Variants in NEBL observed in about 807,000 individuals in gnomAD.
NEBL encodes LIM and SH3 protein 2.
NEBL carries 122 observed loss-of-function variants against 140.2 expected under a neutral mutation model. The ratio of observed to expected loss-of-function variants is 0.87; its 90% CI spans 0.75 to 1.01. NEBL has a LOEUF of 1.01. Among genes scored for constraint, NEBL ranks in the 50% least tolerant of loss-of-function variants. The pLI is 0.00. For missense variants in NEBL, 1,365 were observed against 1,231.3 expected (o/e 1.11, Z -1.62); for synonymous variants, 436 against 398.9 (o/e 1.09, Z -1.11).
At chr10:20,909,182 T>A (rs1848225473) in intron 4 of NEBL, among the ~76,000 whole-genome samples, 1 of 151,896 alleles carries the variant, frequency 6.6e-6, no homozygotes, top group African/African-American at 2.4e-5. Context: ...TATTTTAAAA[T>A]ATACAATTAA....
At position 20,785,463 on chromosome 10, in the gene NEBL, C is replaced by T. The variant is rs1835329000; in HGVS notation, c.*284G>A. The T allele has an allele frequency of 2.3e-6, 1 of 441,588 alleles. No homozygotes were observed. The highest frequency in any genetic ancestry group is 4.2e-6 in the Non-Finnish European group (1 of 239,484). The allele number at this position is 441,588 out of a possible 1,614,324, so 27.4% of individuals were successfully genotyped here. ...TTCTCTATTAAAGTCTACAAAAATA[C>T]ATTTCCCAGAAGGGTTCAATAGCCA... On this transcript the variant is annotated 3_prime_UTR_variant, in exon 28 of 28. Transcript: ENST00000377122.
intron 2 of NEBL, among the ~76,000 whole-genome samples, chr10:21,041,268 C>G (rs1289994174): frequency 1.3e-5 from 2 of 152,170 alleles, no homozygotes; most frequent in African/African-American, 4.8e-5. Flanking sequence ...CATGTGTATT[C>G]AATGGTTAGC....
At chr10:20,961,021 C>T (rs1410058005) in intron 4 of NEBL, among the ~76,000 whole-genome samples, 1 of 152,156 alleles carries the variant, frequency 6.6e-6, no homozygotes, top group East Asian at 1.9e-4. Context: ...TCCTGACACA[C>T]TTCATGTAAT....
intron 4 of NEBL, among the ~76,000 whole-genome samples, chr10:20,951,463 T>C (rs1166389380): frequency 1.3e-5 from 2 of 149,652 alleles, no homozygotes; most frequent in Non-Finnish European, 3.0e-5. Flanking sequence ...TTAGAGAGCA[T>C]AGTTGCATAC....
chr10:21,230,727 C>T (rs1842237467), intron 3 of NEBL, among the ~76,000 whole-genome samples: 1 of 151,900 alleles, frequency 6.6e-6, no homozygotes, highest in Non-Finnish European at 1.5e-5. Flanking sequence ...GCCTCAGCCT[C>T]CCAAGTAGCT....
intron 3 of NEBL, among the ~76,000 whole-genome samples, chr10:21,019,835 C>A (rs150356409): frequency 6.6e-5 from 10 of 152,260 alleles, no homozygotes; most frequent in Non-Finnish European, 8.8e-5. Flanking sequence ...ATATTTAGGA[C>A]CAAATAAGTC....
At chr10:20,925,317 A>G (rs1159671681) in intron 4 of NEBL, among the ~76,000 whole-genome samples, 3 of 152,168 alleles carry the variant, frequency 2.0e-5, no homozygotes, top group Non-Finnish European at 4.4e-5. Flanking sequence ...GGAACATTCC[A>G]TGGTATGGAT....
chr10:20,787,176 G>A (rs1255109141), intron 27 of NEBL, 26 bp downstream of exon 27: 3 of 1,530,336 alleles, frequency 2.0e-6, no homozygotes, highest in Admixed American at 3.4e-5. Context: ...ACCAGCTAAG[G>A]AGGAACGTAT....
chr10:20,899,151 C>T (rs2131422419), upstream of NEBL, among the ~76,000 whole-genome samples: 1 of 152,286 alleles, frequency 6.6e-6, no homozygotes, highest in Non-Finnish European at 1.5e-5. Flanking sequence ...AATTATTTCC[C>T]TCAAGTCCTC....
At chr10:20,914,732 A>T (rs1423064597) in intron 4 of NEBL, among the ~76,000 whole-genome samples, 4 of 152,180 alleles carry the variant, frequency 2.6e-5, no homozygotes, top group Non-Finnish European at 4.4e-5. Flanking sequence ...TCCAGACAGA[A>T]ATTGATGACA....
intron 9 of NEBL, among the ~76,000 whole-genome samples, chr10:20,856,166 A>G (rs983544675): frequency 2.0e-5 from 3 of 152,218 alleles, no homozygotes; most frequent in Non-Finnish European, 2.9e-5. Flanking sequence ...TCTGTCCTCT[A>G]GGCAAAAGCA....
At chr10:21,073,880 C>T (rs1835937564) in intron 2 of NEBL, among the ~76,000 whole-genome samples, 1 of 152,080 alleles carries the variant, frequency 6.6e-6, no homozygotes, top group South Asian at 2.1e-4. Context: ...CAAGACCATC[C>T]TGGCTAACAC....
At chr10:20,812,455 T>G (rs1379011508) in intron 24 of NEBL, among the ~76,000 whole-genome samples, 1 of 151,088 alleles carries the variant, frequency 6.6e-6, no homozygotes, top group Non-Finnish European at 1.5e-5. Flanking sequence ...TATCTCCTAA[T>G]GCTATCCCTC....
chr10:21,223,668 G>T (rs1842104860), intron 3 of NEBL, among the ~76,000 whole-genome samples: 3 of 152,158 alleles, frequency 2.0e-5, no homozygotes, highest in African/African-American at 7.2e-5. Flanking sequence ...CCCACCAATA[G>T]TGTATGAGGG....
intron 24 of NEBL, 26 bp from the exon 25 acceptor site, chr10:20,809,924 A>G (rs71578968): frequency 7.0e-7 from 1 of 1,427,932 alleles, no homozygotes; most frequent in Admixed American, 1.7e-5. Context: ...AGAAATCAAC[A>G]CTCATCAAGA....
At chr10:21,073,564 C>A (rs1003059137) in intron 2 of NEBL, among the ~76,000 whole-genome samples, 3 of 149,254 alleles carry the variant, frequency 2.0e-5, no homozygotes, top group Non-Finnish European at 3.0e-5. Flanking sequence ...TTGCAGTGAG[C>A]CTAGAATGCA....
chr10:21,262,304 AGG>A (rs1169068586), intron 1 of NEBL, among the ~76,000 whole-genome samples: 1 of 152,166 alleles, frequency 6.6e-6, no homozygotes, highest in Non-Finnish European at 1.5e-5. Context: ...GCTGGGGAAG[AGG>A]TTAAACTGAT....
intron 3 of NEBL, among the ~76,000 whole-genome samples, chr10:21,000,013 C>A (rs1266885558): frequency 6.6e-6 from 1 of 151,996 alleles, no homozygotes; most frequent in Non-Finnish European, 1.5e-5. Context: ...AAAGCACTTC[C>A]TCCTCTGATG....
At chr10:21,261,697 C>T (rs955871174) in intron 1 of NEBL, among the ~76,000 whole-genome samples, 6 of 151,830 alleles carry the variant, frequency 4.0e-5, no homozygotes, top group African/African-American at 1.5e-4. Flanking sequence ...CCAGGAGATG[C>T]TCTAAAAAGA....
Sources: allele counts gnomAD v4.1 joint callset (sites outside exome capture counted in the v4.1 genomes callset), GRCh38; gene constraint gnomAD v4.1.1; transcripts MANE v1.5; gene names NCBI Gene and HGNC (gene_info 2026-07-23, HGNC 2026-07-21).